RBFOX1: variants seen among roughly 807,000 people sequenced by gnomAD.
RBFOX1 encodes RNA binding protein fox-1 homolog 1.
In RBFOX1, 8 loss-of-function variants were observed where a neutral mutation model predicts 57.7. The ratio of observed to expected loss-of-function variants is 0.14; its 90% confidence interval spans 0.08 to 0.25. RBFOX1 has a LOEUF of 0.25. Ranked by LOEUF, RBFOX1 falls within the 10% of genes least tolerant of loss-of-function variation. The pLI is 1.00. For synonymous variants in RBFOX1, 326 were observed against 222.4 expected (o/e 1.47, Z -4.15); for missense variants, 611 against 548.5 (o/e 1.11, Z -1.14).
intron 4 of RBFOX1, among the ~76,000 whole-genome samples, chr16:7,157,774 C>G (rs930621571): frequency 5.9e-5 from 9 of 152,090 alleles, no homozygotes; most frequent in African/African-American, 1.9e-4. Flanking sequence ...AAATCAGACT[C>G]TAGGCAAGAA....
chr16:6,799,299 G>C (rs1395113985), intron 3 of RBFOX1, among the ~76,000 whole-genome samples: 1 of 152,126 alleles, frequency 6.6e-6, no homozygotes, highest in Non-Finnish European at 1.5e-5. Context: ...TTGGCTAGCT[G>C]TATTTCTAGC....
chr16:7,125,840 T>C (rs1405151876), intron 4 of RBFOX1, among the ~76,000 whole-genome samples: 1 of 152,136 alleles, frequency 6.6e-6, no homozygotes, highest in African/African-American at 2.4e-5. Flanking sequence ...CCCAGCACTT[T>C]GGGAGGCTGC....
intron 3 of RBFOX1, among the ~76,000 whole-genome samples, chr16:7,035,998 C>T (rs1341501062): frequency 1.3e-5 from 2 of 152,158 alleles, no homozygotes. Flanking sequence ...TCTCAAGCTA[C>T]AGAATCCTTC....
chr16:6,603,150 A>C (rs974266445), intron 2 of RBFOX1, among the ~76,000 whole-genome samples: 1 of 152,224 alleles, frequency 6.6e-6, no homozygotes, highest in African/African-American at 2.4e-5. Context: ...AGATCTAAAG[A>C]GAGACCACAG....
rs1411575120 is a variant in RBFOX1, at chr16:6,020,004, C to T, written c.-127+12C>T. ...GCCGGGAGTTCTAGGTAAGTCCAGGCGGAGTCATTGCCTCTGCACCCACCC... is the reference window on the plus strand; with the variant it reads ...GCCGGGAGTTCTAGGTAAGTCCAGGTGGAGTCATTGCCTCTGCACCCACCC... On this transcript the variant is annotated intron_variant, in intron 1 of 15. Transcript: ENST00000550418. 5.9e-6 allele frequency: 9 copies of T among 1,514,214 alleles called. No homozygotes were observed. The highest frequency in any genetic ancestry group is 3.4e-4 in the Middle Eastern group (2 of 5,904). The allele number at this position is 1,514,214 out of a possible 1,614,324, so 93.8% of individuals were successfully genotyped here. A position where few individuals can be genotyped will look rare whatever the true frequency, so the allele number is the denominator to read the frequency against.
At chr16:6,483,601 AGAGG>A (rs1478960287) in intron 2 of RBFOX1, 20 of 1,275,338 alleles carry the variant, frequency 1.6e-5, no homozygotes, top group East Asian at 4.9e-5. Flanking sequence ...AAAGAGGGAG[AGAGG>A]GAGGGAGGGA....
At chr16:5,709,831 ATATATATATATATTTTTTTTTTTTT>A (rs1208375620) in intron 3 of RBFOX1, among the ~76,000 whole-genome samples, 46 of 7,208 alleles carry the variant, frequency 6.4e-3, no homozygotes, top group Admixed American at 0.02. Flanking sequence ...ATATATATAT[ATATATATATATATTTTTTTTTTTTT>A]TTTTTTTTTT....
At chr16:5,833,377 C>T (rs922975394) in intron 3 of RBFOX1, among the ~76,000 whole-genome samples, 4 of 151,824 alleles carry the variant, frequency 2.6e-5, no homozygotes, top group Non-Finnish European at 5.9e-5. Context: ...CACCTGTAGT[C>T]CCAGCTACTC....
intron 3 of RBFOX1, among the ~76,000 whole-genome samples, chr16:6,940,474 G>T (rs2078184692): frequency 6.6e-6 from 1 of 152,182 alleles, no homozygotes. Flanking sequence ...TGATGACAAT[G>T]ATAATTTAGG....
In RBFOX1 at chr16:5,560,421, A is replaced by G. The variant is rs571622600; in HGVS notation, c.259-38481A>G. ...GATAACCTGACTCCCCAAGTTTGAGATGGCTTCTCCCCGCACTCCGGTGTT... is the reference window on the plus strand; with the variant it reads ...GATAACCTGACTCCCCAAGTTTGAGGTGGCTTCTCCCCGCACTCCGGTGTT... On this transcript the variant is annotated intron_variant, in intron 2 of 2. Transcript: ENST00000585867. Among the ~76,000 whole-genome samples the G allele has an allele frequency of 3.3e-4, 50 of 152,182 alleles. 1 individual carries two copies. In the South Asian group the frequency reaches 9.7e-3, roughly 30 times the overall value.
chr16:5,711,552 A>G (rs925385151), intron 3 of RBFOX1, among the ~76,000 whole-genome samples: 2 of 152,306 alleles, frequency 1.3e-5, no homozygotes, highest in Non-Finnish European at 2.9e-5. Context: ...AAAGAGCATT[A>G]GGTGGCAGGA....
At chr16:6,988,527 A>AT (rs2090779046) in intron 3 of RBFOX1, among the ~76,000 whole-genome samples, 4 of 151,560 alleles carry the variant, frequency 2.6e-5, no homozygotes, top group Admixed American at 2.6e-4. Flanking sequence ...TACCTGTTTT[A>AT]TTTTTTCTTT....
At chr16:6,088,276 A>C (rs1386317659) in intron 1 of RBFOX1, among the ~76,000 whole-genome samples, 3 of 152,108 alleles carry the variant, frequency 2.0e-5, no homozygotes, top group African/African-American at 7.2e-5. Context: ...AACTATGAAC[A>C]ATATGGAACA....
At chr16:5,870,004 C>A (rs2057429683) in intron 4 of RBFOX1, among the ~76,000 whole-genome samples, 1 of 151,872 alleles carries the variant, frequency 6.6e-6, no homozygotes, top group South Asian at 2.1e-4. Flanking sequence ...AAAATATTAT[C>A]TATAGGTGTA....
intron 2 of RBFOX1, among the ~76,000 whole-genome samples, chr16:6,564,348 A>G (rs2192642): frequency 0.49 from 73,981 of 151,926 alleles, 20,705 homozygotes; most frequent in East Asian, 0.73. Flanking sequence ...TATAAAAAGA[A>G]GGAAATACTG....
At chr16:7,004,710 T>C (rs900005236) in intron 3 of RBFOX1, among the ~76,000 whole-genome samples, 7 of 152,166 alleles carry the variant, frequency 4.6e-5, no homozygotes, top group Admixed American at 2.6e-4. Context: ...ACCAGGAAGA[T>C]GTATGGTGAG....
chr16:5,807,973 C>A (rs1427675399), intron 3 of RBFOX1, among the ~76,000 whole-genome samples: 5 of 152,174 alleles, frequency 3.3e-5, no homozygotes, highest in African/African-American at 1.2e-4. Flanking sequence ...CTTTCAATTT[C>A]CTCCTTCCTT....
intron 3 of RBFOX1, among the ~76,000 whole-genome samples, chr16:7,014,712 G>C (rs1022920691): frequency 6.6e-6 from 1 of 152,022 alleles, no homozygotes; most frequent in African/African-American, 2.4e-5. Context: ...TGATAAACTA[G>C]AAGCCAAGTT....
At chr16:7,198,313 C>G (rs4374185) in intron 4 of RBFOX1, among the ~76,000 whole-genome samples, 1 of 151,938 alleles carries the variant, frequency 6.6e-6, no homozygotes, top group East Asian at 1.9e-4. Flanking sequence ...CCAATATACC[C>G]GGTGGTTTTC....
Sources: gnomAD v4.1 joint callset for allele counts (sites outside exome capture counted in the v4.1 genomes callset) on GRCh38, gnomAD v4.1.1 for gene constraint, MANE v1.5 for transcripts, NCBI Gene and HGNC (gene_info 2026-07-23, HGNC 2026-07-21) for gene names.